Variants in MAU2 observed in about 807,000 individuals in gnomAD.
MAU2 encodes the protein MAU2 sister chromatid cohesion factor.
MAU2 carries 9 observed loss-of-function variants against 89.1 expected under a neutral mutation model. The ratio of observed to expected loss-of-function variants is 0.10; its 90% confidence interval spans 0.06 to 0.18. MAU2 has a LOEUF of 0.18. Among genes scored for constraint, MAU2 ranks in the 10% least tolerant of loss-of-function variants. The pLI is 1.00. For synonymous variants in MAU2, 357 were observed against 343.4 expected, an observed-to-expected ratio of 1.04 and a Z score of -0.44; for missense variants, 425 against 803.5, an observed-to-expected ratio of 0.53 and a Z score of 5.69.
chr19:19,339,337 C>G (rs1353546089), intron 5 of MAU2, among the ~76,000 whole-genome samples: 1 of 151,992 alleles, frequency 6.6e-6, no homozygotes, highest in African/African-American at 2.4e-5. Context: ...ATCCCAGGTA[C>G]TCGGGAGGCT....
At chr19:19,328,086 G>A (rs2146658068) in intron 1 of MAU2, among the ~76,000 whole-genome samples, 1 of 151,730 alleles carries the variant, frequency 6.6e-6, no homozygotes, top group South Asian at 2.1e-4. Context: ...CTTGAGCCCA[G>A]GAGGTCGAGG....
At position 19,333,050 on chromosome 19, in the gene MAU2, C is replaced by A. The variant is rs368672571; in HGVS notation, c.277-2668C>A. 1.2e-4 allele frequency among the ~76,000 whole-genome samples: 18 copies of A among 151,560 alleles called. No homozygotes were observed. The East Asian group carries it at 2.9e-3, about 25-fold the overall frequency. On this transcript the variant is annotated intron_variant, in intron 1 of 18. Coordinates refer to ENST00000262815, the MANE Select transcript of MAU2 (RefSeq NM_015329.4). The stretch of plus-strand genomic sequence containing the variant: ...TGAGATTATCCCATTGCACTCCAGC[C>A]TGGGCAACAAGAGCGAAACTCCATC...
In MAU2 at chr19:19,343,830, C is replaced by T. The variant is rs750418696; in HGVS notation, c.974-7C>T. ...CCTGCATGCTTACCCCTGACTCTCA[C>T]CCATAGTGCTGGACTGCAGCCCCAT... On this transcript the variant is annotated splice_polypyrimidine_tract_variant and splice_region_variant and intron_variant, in intron 9 of 18. Coordinates refer to ENST00000262815, the MANE Select transcript of MAU2 (RefSeq NM_015329.4). 2 of 1,609,200 alleles carry T rather than the reference C, an allele frequency of 1.2e-6. No individual in the cohort carries two copies. Among genetic ancestry groups the T allele is most frequent in the Non-Finnish European group, 8.5e-7 (1 of 1,176,326 alleles).
Position 19,335,753 on chromosome 19 carries a change from G to C in MAU2, c.294+18G>C. The C allele has an allele frequency of 1.2e-6, 2 of 1,613,436 alleles. No homozygotes were observed. The highest frequency in any genetic ancestry group is 1.3e-5 in the African/African-American group (1 of 75,028). ...CACAGCAAGTATCCTTTCCGTGTTG[G>C]TATGGTTCCCTTTAAGGAATTCTCC... On this transcript the variant is annotated intron_variant, in intron 2 of 18. Coordinates refer to ENST00000262815, the MANE Select transcript of MAU2 (RefSeq NM_015329.4).
intron 1 of MAU2, among the ~76,000 whole-genome samples, chr19:19,332,945 C>T (rs1334228121): frequency 6.6e-6 from 1 of 152,020 alleles, no homozygotes; most frequent in East Asian, 1.9e-4. Flanking sequence ...GGCATGGTGG[C>T]GCATGCCTGT....
chr19:19,329,159 C>T (rs1363002100), intron 1 of MAU2: 6 of 454,772 alleles, frequency 1.3e-5, no homozygotes, highest in Admixed American at 2.4e-5. Flanking sequence ...TCAGGCCCAG[C>T]GTAAGCAGTT....
At position 19,349,397 on chromosome 19, in the gene MAU2, G is replaced by A; in HGVS notation, c.1509G>A (p.Val503=). 1.2e-6 allele frequency: 2 copies of A among 1,614,166 alleles called. No homozygotes were observed. The highest frequency in any genetic ancestry group is 1.7e-6 in the Non-Finnish European group (2 of 1,180,032). ...DLNRLTACSL[V]LLGHIFYVLG... ...ACCGGCTCACAGCCTGCTCCCTCGT[G>A]CTTCTGGGCCACATCTTCTATGTGC... Residue 503 remains valine (V), a synonymous_variant, in exon 16 of 19, where the codon GTG becomes GTA. Coordinates refer to ENST00000262815, the MANE Select transcript of MAU2 (RefSeq NM_015329.4).
At chr19:19,335,361 C>T (rs1034752436) in intron 1 of MAU2, among the ~76,000 whole-genome samples, 3 of 152,212 alleles carry the variant, frequency 2.0e-5, no homozygotes, top group Non-Finnish European at 4.4e-5. Flanking sequence ...GCCCTACTTC[C>T]GTGTGACACC....
chr19:19,355,545 C>A, intron 18 of MAU2, 154 bp downstream of exon 18: 3 of 1,269,000 alleles, frequency 2.4e-6, no homozygotes, highest in Non-Finnish European at 3.3e-6. Flanking sequence ...TGGGCACCCC[C>A]ACCCAAGCAA....
chr19:19,322,289 C>T (rs1437101978), intron 1 of MAU2, among the ~76,000 whole-genome samples: 2 of 152,144 alleles, frequency 1.3e-5, no homozygotes, highest in Non-Finnish European at 1.5e-5. Flanking sequence ...TGAGCCACCG[C>T]GCCCGGCCCC....
intron 1 of MAU2, chr19:19,334,693 C>A: frequency 1.3e-6 from 1 of 765,492 alleles, no homozygotes; most frequent in Non-Finnish European, 1.6e-6. Flanking sequence ...GCTGTTGCCG[C>A]ATGAGTGGCA....
chr19:19,326,513 T>C (rs1053783246), intron 1 of MAU2, among the ~76,000 whole-genome samples: 12 of 151,052 alleles, frequency 7.9e-5, no homozygotes, highest in African/African-American at 2.4e-4. Flanking sequence ...GGTGAAACCC[T>C]GTCTCTACTA....
intron 3 of MAU2, 112 bp downstream of exon 3, chr19:19,336,299 G>A (rs1268990255): frequency 2.7e-6 from 2 of 748,660 alleles, no homozygotes; most frequent in Non-Finnish European, 4.5e-6. Flanking sequence ...GGCTTTTTTT[G>A]TTTTTTTGGT....
rs2061449812 is a variant in MAU2, at chr19:19,321,126, G to A, written c.267G>A (p.Leu89=). The A allele has an allele frequency of 6.3e-7, 1 of 1,590,616 alleles. No homozygotes were observed. ...TKNSEQARSH[L]EKAWLISQQI... ...ACAGCGAGCAGGCGCGCAGCCACCT[G>A]GAGAAGGCGGTGAGCGCGGGCCGGG... The change falls in exon 1 of 19, where the codon CTG becomes CTA. Residue 89 remains leucine (L), a synonymous_variant. Transcript: ENST00000262815.
intron 9 of MAU2, 55 bp from the exon 10 acceptor site, chr19:19,343,782 G>T: frequency 1.5e-6 from 2 of 1,353,950 alleles, no homozygotes; most frequent in Admixed American, 1.7e-5. Context: ...GGTGGGCTGG[G>T]GGTGGCGCCT....
At chr19:19,350,676 A>C (rs1024368750) in intron 16 of MAU2, among the ~76,000 whole-genome samples, 6 of 151,492 alleles carry the variant, frequency 4.0e-5, no homozygotes, top group African/African-American at 1.5e-4. Context: ...CAAGGCGGGC[A>C]GATCACAAGG....
chr19:19,340,618 G>A (rs946098411), intron 5 of MAU2, among the ~76,000 whole-genome samples: 24 of 152,080 alleles, frequency 1.6e-4, no homozygotes, highest in African/African-American at 5.3e-4. Context: ...CAGCCTGGGC[G>A]ACAGAGCGAG....
intron 1 of MAU2, among the ~76,000 whole-genome samples, chr19:19,332,479 C>T (rs144541840): frequency 1.3e-5 from 2 of 152,034 alleles, no homozygotes; most frequent in Admixed American, 6.6e-5. Flanking sequence ...TGTTAAAAAG[C>T]GCTAGGATGT....
chr19:19,334,136 C>T (rs2061577822), intron 1 of MAU2: 2 of 982,880 alleles, frequency 2.0e-6, no homozygotes, highest in South Asian at 4.7e-5. Flanking sequence ...TTCTGCTCTT[C>T]TGTTGCATCA....
Sources: allele counts gnomAD v4.1 joint callset (sites outside exome capture counted in the v4.1 genomes callset), GRCh38; gene constraint gnomAD v4.1.1; transcripts MANE v1.5; gene names NCBI Gene and HGNC (gene_info 2026-07-23, HGNC 2026-07-21).